Variants in EVA1C observed in about 807,000 individuals in gnomAD.
EVA1C encodes protein eva-1 homolog C.
A neutral mutation model predicts 45.4 loss-of-function variants in EVA1C; 25 were observed. The ratio of observed to expected loss-of-function variants is 0.55; its 90% CI spans 0.40 to 0.77. The LOEUF is 0.77. EVA1C is among the 30% of genes least tolerant of loss of function. The pLI, the probability that EVA1C is intolerant of heterozygous loss-of-function variation, is 0.00. For missense variants in EVA1C, 479 were observed against 554.8 expected (o/e 0.86, Z 1.37); for synonymous variants, 190 against 221.2 (o/e 0.86, Z 1.25).
chr21:32,422,991 A>T (rs1359735137), intron 1 of EVA1C, among the ~76,000 whole-genome samples: 1 of 143,456 alleles, frequency 7.0e-6, no homozygotes, highest in Admixed American at 7.6e-5. Context: ...GAATCGCTTG[A>T]ACATGGGAGG....
At chr21:32,466,642 C>T (rs1179149724) in intron 3 of EVA1C, among the ~76,000 whole-genome samples, 1 of 152,110 alleles carries the variant, frequency 6.6e-6, no homozygotes, top group Non-Finnish European at 1.5e-5. Flanking sequence ...ACTACCTGGT[C>T]CAAAACATCC....
Position 32,514,969 on chromosome 21 carries a change from G to A in EVA1C, c.1105G>A (p.Glu369Lys), listed in dbSNP as rs1465912620. The A allele has an allele frequency of 6.2e-6, 10 of 1,614,030 alleles. No homozygotes were observed. The highest frequency in any genetic ancestry group is 2.2e-5 in the East Asian group (1 of 44,892). The change falls in exon 8 of 8, where the codon GAG (glutamate) becomes AAG (lysine). Residue 369 changes from glutamate to lysine, a missense_variant. Glu to Lys is a moderately conservative substitution (Grantham distance 56). Around this residue, in one of 3 missense-constraint regions of EVA1C, gnomAD observed 366 missense variants for 426.1 expected, o/e 0.86. Transcript: ENST00000300255. ...GCTGGTGCCAGGAAGTGACAAGGTC[G>A]AGGAGGACAGCGAGGATGAAGAAGA... is the stretch of plus-strand genomic sequence containing the variant. ...EQLVPGSDKV[E>K]EDSEDEEEEE...
At chr21:32,462,324 T>G (rs1013721506) in intron 3 of EVA1C, among the ~76,000 whole-genome samples, 128 of 151,362 alleles carry the variant, frequency 8.5e-4, no homozygotes, top group Non-Finnish European at 1.6e-3. Flanking sequence ...AGCCCAGGAG[T>G]TTGAGGTTAC....
intron 2 of EVA1C, among the ~76,000 whole-genome samples, chr21:32,455,091 T>A (rs993447936): frequency 3.3e-5 from 5 of 152,146 alleles, no homozygotes; most frequent in Admixed American, 6.6e-5. Flanking sequence ...CTGAGATTGA[T>A]TTCTCACTGT....
chr21:32,451,986 G>A (rs575682268), intron 1 of EVA1C, among the ~76,000 whole-genome samples: 2 of 152,258 alleles, frequency 1.3e-5, no homozygotes, highest in South Asian at 4.1e-4. Context: ...CCACGCCCTT[G>A]GAGCAGGCCC....
intron 4 of EVA1C, among the ~76,000 whole-genome samples, chr21:32,471,331 C>CT (rs35525993): frequency 0.047 from 2,681 of 57,372 alleles, 80 homozygotes; most frequent in African/African-American, 0.19. Context: ...TTTCTTTTTT[C>CT]TTTTTTTTTT....
chr21:32,424,403 G>A (rs2146126444), intron 1 of EVA1C, among the ~76,000 whole-genome samples: 1 of 152,168 alleles, frequency 6.6e-6, no homozygotes, highest in South Asian at 2.1e-4. Context: ...AGTCCAATTT[G>A]TACAGCTTTG....
At chr21:32,491,111 G>A (rs1268258392) in intron 4 of EVA1C, among the ~76,000 whole-genome samples, 1 of 152,212 alleles carries the variant, frequency 6.6e-6, no homozygotes, top group Non-Finnish European at 1.5e-5. Context: ...TGCCGCCTGG[G>A]AGATGGTACA....
At position 32,515,274 on chromosome 21, in the gene EVA1C, T is replaced by A. The variant is rs1601093849; in HGVS notation, c.*84T>A. ...CCTCCAGTTCTGGTTCACCTGTACCTTCTATGAAGGAGAATTCGTCATGTC... is the reference window on the plus strand; with the variant it reads ...CCTCCAGTTCTGGTTCACCTGTACCATCTATGAAGGAGAATTCGTCATGTC... On this transcript the variant is annotated 3_prime_UTR_variant, in exon 8 of 8. Coordinates refer to ENST00000300255, the MANE Select transcript of EVA1C (RefSeq NM_058187.5). 4.9e-6 allele frequency: 7 copies of A among 1,416,036 alleles called. No individual in the cohort carries two copies. In the East Asian group the frequency reaches 1.4e-4, roughly 28 times the overall value. The allele number at this position is 1,416,036 out of a possible 1,614,324, so 87.7% of individuals were successfully genotyped here.
chr21:32,492,589 A>G (rs753639502), intron 4 of EVA1C, among the ~76,000 whole-genome samples: 1 of 152,048 alleles, frequency 6.6e-6, no homozygotes, highest in South Asian at 2.1e-4. Context: ...TCCCTGACCT[A>G]TGCTTCTTCA....
intron 3 of EVA1C, among the ~76,000 whole-genome samples, chr21:32,458,449 G>C (rs933834147): frequency 6.6e-6 from 1 of 151,368 alleles, no homozygotes; most frequent in Non-Finnish European, 1.5e-5. Context: ...AACGATAGCA[G>C]TGTGTTTAAC....
intron 1 of EVA1C, 63 bp downstream of exon 1, chr21:32,413,076 C>CT: frequency 3.1e-6 from 4 of 1,274,244 alleles, no homozygotes; most frequent in Non-Finnish European, 4.0e-6. Context: ...GAACCCTCGA[C>CT]TGGGGGCAGC....
intron 7 of EVA1C, among the ~76,000 whole-genome samples, chr21:32,512,804 G>A (rs531569913): frequency 2.3e-4 from 35 of 152,178 alleles, no homozygotes; most frequent in African/African-American, 7.9e-4. Context: ...CACCTTGAAA[G>A]CCCTAACAGC....
intron 1 of EVA1C, among the ~76,000 whole-genome samples, chr21:32,430,188 C>A (rs1041438499): frequency 1.3e-5 from 2 of 152,128 alleles, no homozygotes; most frequent in Non-Finnish European, 2.9e-5. Flanking sequence ...AGTGGAGGTG[C>A]CTCAGTTTAC....
rs375023870 is a variant in EVA1C, at chr21:32,514,980, C to A, written c.1116C>A (p.Ser372Arg). 1.2e-6 allele frequency: 2 copies of A among 1,613,928 alleles called. No homozygotes were observed. The highest frequency in any genetic ancestry group is 2.7e-5 in the African/African-American group (2 of 74,908). Residue 372 changes from serine to arginine, a missense_variant, in exon 8 of 8, where the codon AGC becomes AGA. Ser to Arg is a moderately radical substitution (Grantham distance 110). Around this residue, in one of 3 missense-constraint regions of EVA1C, gnomAD observed 366 missense variants for 426.1 expected, o/e 0.86. Transcript: ENST00000300255. ...VPGSDKVEED[S>R]EDEEEEEDPS... ...GAAGTGACAAGGTCGAGGAGGACAG[C>A]GAGGATGAAGAAGAGGAGGAGGACC...
intron 1 of EVA1C, among the ~76,000 whole-genome samples, chr21:32,451,343 G>A (rs575950389): frequency 7.2e-5 from 11 of 152,224 alleles, no homozygotes; most frequent in African/African-American, 1.9e-4. Context: ...CCTCCCAGCC[G>A]CCTCGCTGTG....
In EVA1C at chr21:32,487,457, C is replaced by T. The variant is rs572376007; in HGVS notation, c.635-7570C>T. On this transcript the variant is annotated intron_variant, in intron 4 of 7. Transcript: ENST00000300255. ...GGTAGAACCTTTAGGCCAGTGGCAG[C>T]GACTCACATCCCTGTATTTTGGGAG... Among the ~76,000 whole-genome samples the T allele has an allele frequency of 8.1e-4, 123 of 152,264 alleles. No homozygotes were observed. The Middle Eastern group carries it at 0.01, about 13-fold the overall frequency.
intron 4 of EVA1C, among the ~76,000 whole-genome samples, chr21:32,479,388 A>G (rs2146344564): frequency 6.6e-6 from 1 of 152,260 alleles, no homozygotes; most frequent in East Asian, 1.9e-4. Context: ...GTGCCACTGC[A>G]CTCCAGCCTG....
chr21:32,503,462 C>G (rs537058055), intron 6 of EVA1C, among the ~76,000 whole-genome samples: 2 of 152,292 alleles, frequency 1.3e-5, no homozygotes, highest in Non-Finnish European at 2.9e-5. Flanking sequence ...AGGAGAATTG[C>G]TTGAAACCAG....
Sources: allele counts gnomAD v4.1 joint callset (sites outside exome capture counted in the v4.1 genomes callset), GRCh38; gene constraint gnomAD v4.1.1; regional missense constraint gnomAD v4.1.1; transcripts MANE v1.5; gene names NCBI Gene and HGNC (gene_info 2026-07-23, HGNC 2026-07-21).